COL4A4: variants seen among roughly 807,000 people sequenced by gnomAD.
COL4A4 encodes collagen alpha-4(IV) chain.
COL4A4 carries 105 observed loss-of-function variants against 192.9 expected under a neutral mutation model. The observed-to-expected ratio is 0.54, with a 90% CI of 0.46 to 0.64. The LOEUF (loss-of-function observed/expected upper bound fraction) is 0.64, where lower values mean the gene tolerates loss of function less well. Among genes scored for constraint, COL4A4 ranks in the 30% least tolerant of loss-of-function variants. The pLI, the probability that COL4A4 is intolerant of heterozygous loss-of-function variation, is 0.00. For synonymous variants in COL4A4, 762 were observed against 769.9 expected (o/e 0.99, Z 0.17); for missense variants, 1,967 against 2,169.3 (o/e 0.91, Z 1.85).
chr2:227,027,065 G>A (rs1366140614), intron 42 of COL4A4, among the ~76,000 whole-genome samples: 1 of 152,044 alleles, frequency 6.6e-6, no homozygotes, highest in African/African-American at 2.4e-5. Context: ...GACCAGCCTT[G>A]CCAACATGGT....
chr2:227,117,371 T>C (rs1057113408), intron 7 of COL4A4, among the ~76,000 whole-genome samples: 2 of 152,228 alleles, frequency 1.3e-5, no homozygotes, highest in Non-Finnish European at 2.9e-5. Context: ...TTCACCAGAC[T>C]GCACTTGAGT....
intron 4 of COL4A4, among the ~76,000 whole-genome samples, chr2:227,127,691 G>C (rs2062172137): frequency 6.6e-6 from 1 of 152,044 alleles, no homozygotes; most frequent in Non-Finnish European, 1.5e-5. Flanking sequence ...AAACATATGG[G>C]GAATGACAAA....
chr2:227,025,203 G>T (rs768969671), intron 43 of COL4A4, among the ~76,000 whole-genome samples: 4 of 152,182 alleles, frequency 2.6e-5, no homozygotes, highest in Non-Finnish European at 5.9e-5. Flanking sequence ...AAGAACAAAT[G>T]CAGGCATTCA....
At chr2:227,090,227 C>A (rs2059840705) in intron 20 of COL4A4, among the ~76,000 whole-genome samples, 1 of 151,778 alleles carries the variant, frequency 6.6e-6, no homozygotes, top group African/African-American at 2.4e-5. Context: ...TAATGGGTTG[C>A]AAAACAAGAT....
intron 25 of COL4A4, among the ~76,000 whole-genome samples, chr2:227,074,350 A>G (rs1022177267): frequency 3.9e-5 from 6 of 152,216 alleles, no homozygotes; most frequent in African/African-American, 1.4e-4. Context: ...CTGCAATGAG[A>G]TATTGCCTTA....
rs772759757 is a variant in COL4A4, at chr2:227,062,569, G to A, written c.2017C>T (p.Pro673Ser). The part of the protein sequence containing the change: ...GDTISCNVTY[P>S]GRHGPPGFDG... ...AAACCTGGAGGGCCATGCCTCCCAG[G>A]GTAGGTTACGTTGCAAGAAATTGTG... Residue 673 changes from proline (P) to serine (S), a missense_variant, in exon 26 of 48, where the codon CCT (proline) becomes TCT (serine). Coordinates refer to ENST00000396625, the MANE Select transcript of COL4A4 (RefSeq NM_000092.5). The A allele has an allele frequency of 6.2e-7, 1 of 1,613,050 alleles. No homozygotes were observed. The highest frequency in any genetic ancestry group is 8.5e-7 in the Non-Finnish European group (1 of 1,179,308).
intron 9 of COL4A4, among the ~76,000 whole-genome samples, chr2:227,110,005 TGTTTTTAAAACATGGTCTGCAAGATCTC>T (rs1215702739): frequency 6.6e-6 from 1 of 152,232 alleles, no homozygotes; most frequent in Non-Finnish European, 1.5e-5. Context: ...CTTTTTAGTA[TGTTTTTAAAACATGGTCTGCAAGATCTC>T]AAATTGCGGA....
intron 20 of COL4A4, among the ~76,000 whole-genome samples, chr2:227,093,494 A>T (rs953911361): frequency 2.0e-5 from 3 of 151,932 alleles, no homozygotes; most frequent in Non-Finnish European, 4.4e-5. Flanking sequence ...GTTTCTGATG[A>T]CTGGATGGCT....
intron 22 of COL4A4, among the ~76,000 whole-genome samples, chr2:227,083,956 C>G (rs1279361912): frequency 2.0e-5 from 3 of 152,130 alleles, no homozygotes; most frequent in Admixed American, 1.3e-4. Context: ...AAATGGACAA[C>G]AGGGTTGGAA....
chr2:226,994,199 T>C, the COL4A4 span, among the ~76,000 whole-genome samples: 2 of 152,216 alleles, frequency 1.3e-5, no homozygotes, highest in Non-Finnish European at 2.9e-5. Context: ...GCAGGTGCTG[T>C]TGAGTCAAGT....
intron 42 of COL4A4, 107 bp downstream of exon 42, chr2:227,027,795 T>C: frequency 1.2e-6 from 1 of 860,504 alleles, no homozygotes. Context: ...AGAAAAGGGC[T>C]TAAATAATAA....
chr2:227,007,055 A>G lies in COL4A4; in HGVS notation c.*270T>C. On this transcript the variant is annotated 3_prime_UTR_variant, in exon 48 of 48. Transcript: ENST00000396625. ...TCTACTTGCCTTTCTGAGAATTAGCATATTTTTAAGTAAAGCCAGTTCTTC... is the reference window on the plus strand; with the variant it reads ...TCTACTTGCCTTTCTGAGAATTAGCGTATTTTTAAGTAAAGCCAGTTCTTC... 5.8e-6 allele frequency: 3 copies of G among 520,686 alleles called. No individual in the cohort carries two copies. Among genetic ancestry groups the G allele is most frequent in the Non-Finnish European group, 1.0e-5 (3 of 285,854 alleles). The allele number at this position is 520,686 out of a possible 1,614,324, so 32.3% of individuals were successfully genotyped here.
chr2:227,155,896 A>C lies in COL4A4; in HGVS notation c.-102+8111T>G, dbSNP rs143695170. 4.9e-3 allele frequency among the ~76,000 whole-genome samples: 744 copies of C among 152,328 alleles called. 3 individuals carry two copies. The highest frequency in any genetic ancestry group is 0.017 in the African/African-American group (710 of 41,572). ...ATGCAACTAAAAATTACACTTCGCC[A>C]TGTAATCCTTAGCAAGTTTGTAGCC... is the stretch of plus-strand genomic sequence containing the variant. On this transcript the variant is annotated intron_variant, in intron 1 of 47. Transcript: ENST00000396625.
chr2:227,103,880 A>T, intron 13 of COL4A4, 92 bp downstream of exon 13: 1 of 931,260 alleles, frequency 1.1e-6, no homozygotes, highest in Non-Finnish European at 1.7e-6. Flanking sequence ...AGTGATGCAT[A>T]GAAAGACCTC....
At chr2:226,978,769 C>T in the COL4A4 span, among the ~76,000 whole-genome samples, 2 of 152,118 alleles carry the variant, frequency 1.3e-5, no homozygotes, top group African/African-American at 2.4e-5. Flanking sequence ...GCAAAGGACC[C>T]TCACTGGGGG....
chr2:227,115,965 A>G (rs2061470955), intron 7 of COL4A4, among the ~76,000 whole-genome samples: 1 of 152,234 alleles, frequency 6.6e-6, no homozygotes, highest in African/African-American at 2.4e-5. Context: ...AACAGATGTG[A>G]ATTGTGATTA....
intron 46 of COL4A4, among the ~76,000 whole-genome samples, 182 bp from the exon 47 acceptor site, chr2:227,008,486 C>T (rs752221299): frequency 6.6e-6 from 1 of 152,192 alleles, no homozygotes; most frequent in Non-Finnish European, 1.5e-5. Flanking sequence ...GGCCAGCCCT[C>T]ATCCCCTCAT....
intron 4 of COL4A4, among the ~76,000 whole-genome samples, chr2:227,129,659 T>C (rs890016508): frequency 6.6e-6 from 1 of 152,124 alleles, no homozygotes; most frequent in African/African-American, 2.4e-5. Context: ...TCCGCCCCCC[T>C]CGGCCTCCCA....
intron 4 of COL4A4, among the ~76,000 whole-genome samples, chr2:227,132,575 A>C (rs762300486): frequency 1.8e-4 from 27 of 152,342 alleles, no homozygotes; most frequent in Admixed American, 5.2e-4. Flanking sequence ...CAGGAATTCA[A>C]GACCAGCCTA....
Sources: gnomAD v4.1 joint callset for allele counts (sites outside exome capture counted in the v4.1 genomes callset) on GRCh38, gnomAD v4.1.1 for gene constraint, MANE v1.5 for transcripts, NCBI Gene and HGNC (gene_info 2026-07-23, HGNC 2026-07-21) for gene names.